PCDH7: variants seen among roughly 807,000 people sequenced by gnomAD.
The protein encoded by PCDH7 is protocadherin 7, also known as protocadherin-7.
A neutral mutation model predicts 58.9 loss-of-function variants in PCDH7; 17 were observed. That is an observed-to-expected ratio of 0.29 (90% CI 0.20 to 0.43). The LOEUF (loss-of-function observed/expected upper bound fraction) is 0.43. PCDH7 is among the 20% of genes least tolerant of loss of function. The pLI, the probability that PCDH7 is intolerant of heterozygous loss-of-function variation, is 1.00. For synonymous variants in PCDH7, 664 were observed against 616.4 expected, an observed-to-expected ratio of 1.08 and a Z score of -1.14; for missense variants, 1,274 against 1,441.0, an observed-to-expected ratio of 0.88 and a Z score of 1.88.
intron 2 of PCDH7, among the ~76,000 whole-genome samples, chr4:30,922,527 G>A (rs935606231): frequency 6.6e-6 from 1 of 151,930 alleles, no homozygotes; most frequent in African/African-American, 2.4e-5. Flanking sequence ...AATTATATAT[G>A]ACAAACACAT....
At chr4:30,815,894 G>A (rs1044087978) in intron 1 of PCDH7, among the ~76,000 whole-genome samples, 16 of 152,144 alleles carry the variant, frequency 1.1e-4, no homozygotes, top group African/African-American at 3.1e-4. Flanking sequence ...ATTCCTCAGG[G>A]GAGGGCCCTG....
chr4:30,970,623 T>C (rs1351017498), intron 3 of PCDH7, among the ~76,000 whole-genome samples: 1 of 152,190 alleles, frequency 6.6e-6, no homozygotes, highest in African/African-American at 2.4e-5. Flanking sequence ...CAGACACTTT[T>C]TTCTTTCCTC....
intron 1 of PCDH7, among the ~76,000 whole-genome samples, chr4:30,748,525 G>C (rs927217110): frequency 6.6e-6 from 1 of 152,020 alleles, no homozygotes; most frequent in Non-Finnish European, 1.5e-5. Flanking sequence ...TTTTATCAGG[G>C]TCTCACTCCT....
intron 2 of PCDH7, chr4:30,935,450 C>A: frequency 4.1e-6 from 1 of 243,138 alleles, no homozygotes; most frequent in Non-Finnish European, 6.6e-6. Flanking sequence ...GTATTTATAA[C>A]AAATATAATT....
chr4:30,732,878 C>T (rs1715719956), exon 2 of PCDH7: 1 of 152,146 alleles, frequency 6.6e-6, no homozygotes, highest in Non-Finnish European at 1.5e-5. Context: ...CAACAGCATA[C>T]TGATTACAGC....
intron 3 of PCDH7, among the ~76,000 whole-genome samples, chr4:30,954,087 C>A (rs1341396127): frequency 6.6e-6 from 1 of 152,096 alleles, no homozygotes; most frequent in Non-Finnish European, 1.5e-5. Flanking sequence ...GGAACTGTTA[C>A]AAATGCCAAA....
chr4:30,835,148 A>G (rs900973318), intron 1 of PCDH7, among the ~76,000 whole-genome samples: 1 of 152,104 alleles, frequency 6.6e-6, no homozygotes, highest in Non-Finnish European at 1.5e-5. Flanking sequence ...AAAATTCGTA[A>G]TAATTGTATT....
At chr4:30,937,519 C>T (rs1745504991) in intron 2 of PCDH7, among the ~76,000 whole-genome samples, 1 of 152,024 alleles carries the variant, frequency 6.6e-6, no homozygotes, top group Non-Finnish European at 1.5e-5. Context: ...AATTATTGAA[C>T]TTGCTCAAAC....
At chr4:30,733,934 G>C (rs75984763), downstream of PCDH7, among the ~76,000 whole-genome samples, 1,031 of 152,194 alleles carry the variant, frequency 6.8e-3, 13 homozygotes, top group African/African-American at 0.023. Flanking sequence ...AAAAAATCAT[G>C]CTTGTGGGAT....
intron 3 of PCDH7, among the ~76,000 whole-genome samples, chr4:31,071,009 C>T (rs755211265): frequency 6.6e-6 from 1 of 152,036 alleles, no homozygotes; most frequent in Non-Finnish European, 1.5e-5. Flanking sequence ...CTCTAGGATG[C>T]CTTTCCCTTG....
chr4:30,968,055 C>A (rs2109468831), intron 3 of PCDH7, among the ~76,000 whole-genome samples: 1 of 151,850 alleles, frequency 6.6e-6, no homozygotes, highest in Admixed American at 6.6e-5. Flanking sequence ...GATGTAGTTC[C>A]TTGATTTCAT....
At chr4:31,083,810 G>A (rs1711942610) in intron 3 of PCDH7, among the ~76,000 whole-genome samples, 1 of 152,190 alleles carries the variant, frequency 6.6e-6, no homozygotes, top group Admixed American at 6.5e-5. Flanking sequence ...AATGTATTAA[G>A]TAATGTAGAG....
chr4:31,115,516 A>G (rs953520636), intron 3 of PCDH7, among the ~76,000 whole-genome samples: 1 of 152,130 alleles, frequency 6.6e-6, no homozygotes, highest in African/African-American at 2.4e-5. Flanking sequence ...ATGATCATGT[A>G]ACTTATTTTT....
intron 3 of PCDH7, among the ~76,000 whole-genome samples, chr4:30,971,088 C>T (rs1189255748): frequency 6.6e-6 from 1 of 152,142 alleles, no homozygotes; most frequent in East Asian, 1.9e-4. Context: ...TGGAAATATT[C>T]AAAAGAATTT....
rs146277444 is a variant in PCDH7, at chr4:30,930,342, AC to A, written c.287+9974del. Among the ~76,000 whole-genome samples the A allele has an allele frequency of 2.7e-3, 413 of 152,352 alleles. 1 individual carries two copies. Among genetic ancestry groups the A allele is most frequent in the African/African-American group, 5.1e-3 (212 of 41,592 alleles). The stretch of plus-strand genomic sequence containing the variant: ...ACCTTGGAAAAGTGGAAAGAGCAGC[AC>A]ATTTTCCTTGGAATGATTCTGGTTA... On this transcript the variant is annotated intron_variant, in intron 2 of 3. Transcript: ENST00000509759.
intron 3 of PCDH7, among the ~76,000 whole-genome samples, chr4:31,069,855 A>G (rs114631880): frequency 0.24 from 35,647 of 151,298 alleles, 4,463 homozygotes; most frequent in South Asian, 0.33. Flanking sequence ...TATATAAATT[A>G]ATCTCAAATT....
At chr4:30,927,265 C>A (rs1289695225) in intron 2 of PCDH7, among the ~76,000 whole-genome samples, 3 of 152,162 alleles carry the variant, frequency 2.0e-5, no homozygotes, top group Non-Finnish European at 4.4e-5. Flanking sequence ...TAATTCTATT[C>A]TTCCTCTGAT....
intron 1 of PCDH7, among the ~76,000 whole-genome samples, chr4:30,865,604 T>G (rs1247133361): frequency 6.6e-6 from 1 of 152,012 alleles, no homozygotes; most frequent in Non-Finnish European, 1.5e-5. Context: ...CAGTTGAAGG[T>G]CCATAATAGT....
At chr4:31,097,241 G>A (rs2109294287) in intron 3 of PCDH7, among the ~76,000 whole-genome samples, 1 of 152,028 alleles carries the variant, frequency 6.6e-6, no homozygotes, top group East Asian at 2.0e-4. Context: ...TGAATCACCT[G>A]AGGTCAGGAG....
Sources: gnomAD v4.1 joint callset for allele counts (sites outside exome capture counted in the v4.1 genomes callset) on GRCh38, gnomAD v4.1.1 for gene constraint, MANE v1.5 for transcripts, NCBI Gene and HGNC (gene_info 2026-07-23, HGNC 2026-07-21) for gene names.